ADCY3: variants seen among roughly 807,000 people sequenced by gnomAD.
The protein encoded by ADCY3 is adenylate cyclase type 3.
A neutral mutation model predicts 119.4 loss-of-function variants in ADCY3; 70 were observed. That is an observed-to-expected ratio of 0.59 (90% CI 0.48 to 0.72). ADCY3 has a LOEUF of 0.72. Ranked by LOEUF, ADCY3 falls within the 30% of genes least tolerant of loss-of-function variation. The pLI, the probability that ADCY3 is intolerant of heterozygous loss-of-function variation, is 0.00. For missense variants in ADCY3, 1,238 were observed against 1,541.6 expected (o/e 0.80, Z 3.30); for synonymous variants, 672 against 621.4 (o/e 1.08, Z -1.21).
intron 2 of ADCY3, among the ~76,000 whole-genome samples, chr2:24,889,036 G>C (rs1677389501): frequency 6.6e-6 from 1 of 152,176 alleles, no homozygotes; most frequent in Non-Finnish European, 1.5e-5. Context: ...AAAGGCTGCA[G>C]AAAACTCAAC....
chr2:24,842,645 G>A lies in ADCY3; in HGVS notation c.826-261C>T, dbSNP rs553816238. 26 of 465,436 alleles carry A rather than the reference G, an allele frequency of 5.6e-5. No individual in the cohort carries two copies. Among genetic ancestry groups the A allele is most frequent in the African/African-American group, 2.2e-4 (11 of 50,756 alleles). The allele number at this position is 465,436 out of a possible 1,614,324, so 28.8% of individuals were successfully genotyped here. The stretch of plus-strand genomic sequence containing the variant: ...CAGAAACGCAGTGAAGCATCCCAAC[G>A]TGGCTCTGTGCTCAGCATCCTCGTG... On this transcript the variant is annotated intron_variant, in intron 3 of 21. Transcript: ENST00000679454. The surrounding 1 kb of genome is among the most constrained non-coding windows in gnomAD (Gnocchi z 4.9).
chr2:24,843,255 C>T (rs1671259893), intron 3 of ADCY3, among the ~76,000 whole-genome samples: 1 of 152,164 alleles, frequency 6.6e-6, no homozygotes, highest in Admixed American at 6.5e-5. Context: ...TCTTTTTATA[C>T]AGGGTCTTGC....
intron 8 of ADCY3, 102 bp from the exon 9 acceptor site, chr2:24,837,147 C>CTCTCT: frequency 7.6e-7 from 1 of 1,317,936 alleles, no homozygotes; most frequent in Non-Finnish European, 1.0e-6. Flanking sequence ...GATTAGAGAG[C>CTCTCT]AATCTGAGGC....
At chr2:24,843,839 G>T (rs977004477) in intron 3 of ADCY3, among the ~76,000 whole-genome samples, 8 of 152,246 alleles carry the variant, frequency 5.3e-5, no homozygotes, top group Admixed American at 3.9e-4. Context: ...GAAAACCAGG[G>T]ACAGAATGTG....
Position 24,842,111 on chromosome 2 carries a change from G to C in ADCY3, c.956+143C>G. 1 of 1,223,516 alleles carries C rather than the reference G, an allele frequency of 8.2e-7. No individual in the cohort carries two copies. The highest frequency in any genetic ancestry group is 1.1e-6 in the Non-Finnish European group (1 of 883,656). 75.8% of individuals were successfully genotyped at this position (1,223,516 alleles called of 1,614,324 possible). Reference sequence around the variant, plus strand: ...TCAACATCTGCTGGCAGCTTCCTCCGCCAGGCTGATGAATGCTGTGGGAGG... The same window carrying C: ...TCAACATCTGCTGGCAGCTTCCTCCCCCAGGCTGATGAATGCTGTGGGAGG... On this transcript the variant is annotated intron_variant, in intron 4 of 21. Coordinates refer to ENST00000679454, the MANE Select transcript of ADCY3 (RefSeq NM_004036.5). The surrounding 1 kb of genome is among the most constrained non-coding windows in gnomAD (Gnocchi z 4.9).
chr2:24,848,683 G>A (rs143814619), intron 3 of ADCY3, among the ~76,000 whole-genome samples: 36 of 152,298 alleles, frequency 2.4e-4, no homozygotes, highest in South Asian at 8.3e-4. Context: ...CACAGGAAGC[G>A]CTCACCATAG....
Position 24,918,440 on chromosome 2 carries a change from A to G in ADCY3, c.548T>C (p.Leu183Pro), listed in dbSNP as rs781281621. 6.2e-7 allele frequency: 1 copy of G among 1,613,954 alleles called. No individual in the cohort carries two copies. Among genetic ancestry groups the G allele is most frequent in the Non-Finnish European group, 8.5e-7 (1 of 1,180,014 alleles). Residue 183 changes from leucine to proline, a missense_variant, in exon 2 of 22, where the codon CTG (leucine) becomes CCG (proline). By Grantham distance (98) the Leu-to-Pro change is moderately conservative (BLOSUM62 -3). Around this residue, in one of 7 missense-constraint regions of ADCY3, gnomAD observed 227 missense variants for 249.3 expected, o/e 0.91. Transcript: ENST00000679454. The surrounding 1 kb of genome is among the most constrained non-coding windows in gnomAD (Gnocchi z 5.4). ...CACGATGGGGCTGAGGCTGAGGGGC[A>G]GCGTGATGAAGAAGGAGAAGACAAA... ...VFFVFSFFIT[L>P]PLSLSPIVII...
At chr2:24,870,039 G>A (rs558221641) in intron 3 of ADCY3, among the ~76,000 whole-genome samples, 69 of 152,064 alleles carry the variant, frequency 4.5e-4, no homozygotes, top group Non-Finnish European at 9.0e-4. Flanking sequence ...AGCAGGTCAC[G>A]GTGGCTCATG....
intron 2 of ADCY3, among the ~76,000 whole-genome samples, chr2:24,912,705 G>T (rs994706740): frequency 6.6e-6 from 1 of 151,928 alleles, no homozygotes; most frequent in Non-Finnish European, 1.5e-5. Context: ...AGAAAAACTC[G>T]CTGACTATAA....
At chr2:24,820,875 C>A in intron 20 of ADCY3, 27 bp from the exon 21 acceptor site, 1 of 1,611,734 alleles carries the variant, frequency 6.2e-7, no homozygotes, top group Non-Finnish European at 8.5e-7. Context: ...AAGTTCAGCA[C>A]AGCCACAGGC....
chr2:24,892,946 G>A (rs1341708064), intron 2 of ADCY3, among the ~76,000 whole-genome samples: 2 of 151,890 alleles, frequency 1.3e-5, no homozygotes, highest in Non-Finnish European at 2.9e-5. Flanking sequence ...TCACAAGTGT[G>A]AGCCACCACA....
chr2:24,919,205 T>TAGA lies in ADCY3; in HGVS notation c.-197-24_-197-22dup. On this transcript the variant is annotated intron_variant, in intron 1 of 21. Coordinates refer to ENST00000679454, the MANE Select transcript of ADCY3 (RefSeq NM_004036.5). This position sits in a 1 kb window ranked among gnomAD's most constrained non-coding sequence, Gnocchi z 5.5. ...TAGAACTGAAAAGGGCATTGCTGAG[T>TAGA]AGAAGCACCTCTTCCCTCCTACCTT... The TAGA allele has an allele frequency of 1.8e-6, 1 of 569,046 alleles. No homozygotes were observed. Among genetic ancestry groups the TAGA allele is most frequent in the Non-Finnish European group, 3.1e-6 (1 of 319,712 alleles). The allele number at this position is 569,046 out of a possible 1,614,324, so 35.2% of individuals were successfully genotyped here.
chr2:24,824,304 CG>C, intron 17 of ADCY3, 73 bp downstream of exon 17: 8 of 1,565,500 alleles, frequency 5.1e-6, no homozygotes, highest in Non-Finnish European at 7.0e-6. Flanking sequence ...CTGGGCCCAG[CG>C]GGGGCTGCCT....
chr2:24,857,804 G>A (rs958444355), intron 3 of ADCY3, among the ~76,000 whole-genome samples: 3 of 152,058 alleles, frequency 2.0e-5, no homozygotes, highest in South Asian at 2.1e-4. Flanking sequence ...AAATTATACC[G>A]ACAAAATTTC....
In ADCY3 at chr2:24,919,021, T is replaced by C. The variant is rs1378692839; in HGVS notation, c.-34A>G. On this transcript the variant is annotated 5_prime_UTR_variant, in exon 2 of 22. Coordinates refer to ENST00000679454, the MANE Select transcript of ADCY3 (RefSeq NM_004036.5). The surrounding 1 kb of genome is among the most constrained non-coding windows in gnomAD (Gnocchi z 5.5). ...GTGTCTGCTACTGGCCCTAGAGAAGTGGACTGGGAACGGAGGAAGAGCTCT... is the reference window on the plus strand; with the variant it reads ...GTGTCTGCTACTGGCCCTAGAGAAGCGGACTGGGAACGGAGGAAGAGCTCT... 6.6e-7 allele frequency: 1 copy of C among 1,513,578 alleles called. No individual in the cohort carries two copies. Among genetic ancestry groups the C allele is most frequent in the East Asian group, 2.5e-5 (1 of 40,698 alleles). The allele number at this position is 1,513,578 out of a possible 1,614,324, so 93.8% of individuals were successfully genotyped here.
In ADCY3 at chr2:24,834,879, C is replaced by A; in HGVS notation, c.1720G>T (p.Asp574Tyr). 6.2e-7 allele frequency: 1 copy of A among 1,613,920 alleles called. No homozygotes were observed. Among genetic ancestry groups the A allele is most frequent in the Non-Finnish European group, 8.5e-7 (1 of 1,179,988 alleles). ...TCTTCAGAGGCATCCACCACTCGGTCAGCCAGGTCCTGCAGGCGCAGCCTC... is the reference window on the plus strand; with the variant it reads ...TCTTCAGAGGCATCCACCACTCGGTAAGCCAGGTCCTGCAGGCGCAGCCTC... ...RRRLRLQDLA[D>Y]RVVDASEDEH... is the part of the protein sequence containing the mutation. The change falls in exon 10 of 22, where the codon GAC becomes TAC. Residue 574 changes from aspartate to tyrosine, a missense_variant. Asp to Tyr is a radical substitution (Grantham distance 160). Coordinates refer to ENST00000679454, the MANE Select transcript of ADCY3 (RefSeq NM_004036.5). The surrounding 1 kb of genome is among the most constrained non-coding windows in gnomAD (Gnocchi z 4.2).
chr2:24,895,749 CT>C (rs1678193471), intron 2 of ADCY3, among the ~76,000 whole-genome samples: 1 of 152,130 alleles, frequency 6.6e-6, no homozygotes, highest in African/African-American at 2.4e-5. Context: ...TCTCAGCCTC[CT>C]GAGTAGCTGG....
At chr2:24,910,595 AAT>A (rs1262544756) in intron 2 of ADCY3, among the ~76,000 whole-genome samples, 1 of 152,166 alleles carries the variant, frequency 6.6e-6, no homozygotes, top group Non-Finnish European at 1.5e-5. Context: ...TCCCGAGGAA[AAT>A]GTTTTTAGAT....
At chr2:24,873,166 T>C (rs531165007) in intron 2 of ADCY3, among the ~76,000 whole-genome samples, 30 of 152,324 alleles carry the variant, frequency 2.0e-4, no homozygotes, top group Admixed American at 9.1e-4. Context: ...GGTGCACAAA[T>C]CCCAGGTCCC....
Sources: allele counts gnomAD v4.1 joint callset (sites outside exome capture counted in the v4.1 genomes callset), GRCh38; gene constraint gnomAD v4.1.1; regional missense constraint gnomAD v4.1.1; non-coding constraint Gnocchi (gnomAD v3.1); transcripts MANE v1.5; gene names NCBI Gene and HGNC (gene_info 2026-07-23, HGNC 2026-07-21).